ARID1B: variants seen among roughly 807,000 people sequenced by gnomAD.
The protein encoded by ARID1B is AT-rich interactive domain-containing protein 1B.
A neutral mutation model predicts 212.3 loss-of-function variants in ARID1B; 30 were observed. The ratio of observed to expected loss-of-function variants is 0.14; its 90% CI spans 0.11 to 0.19. The LOEUF (loss-of-function observed/expected upper bound fraction) is 0.19, where lower values mean the gene tolerates loss of function less well. Among genes scored for constraint, ARID1B ranks in the 10% least tolerant of loss-of-function variants. The pLI is 1.00. For synonymous variants in ARID1B, 1,402 were observed against 1,301.7 expected, an observed-to-expected ratio of 1.08 and a Z score of -1.66; for missense variants, 2,891 against 3,204.0, an observed-to-expected ratio of 0.90 and a Z score of 2.36.
chr6:157,124,445 T>C (rs1787997625), intron 6 of ARID1B, among the ~76,000 whole-genome samples: 1 of 152,206 alleles, frequency 6.6e-6, no homozygotes, highest in South Asian at 2.1e-4. Context: ...CTTATAAAAG[T>C]GACTGCTTTC....
At chr6:157,157,980 G>A (rs1296375012) in intron 8 of ARID1B, among the ~76,000 whole-genome samples, 4 of 152,224 alleles carry the variant, frequency 2.6e-5, no homozygotes, top group Non-Finnish European at 4.4e-5. Flanking sequence ...CGAGGATCGT[G>A]CCAGTGCACT....
intron 1 of ARID1B, among the ~76,000 whole-genome samples, chr6:156,824,793 A>C (rs1335918671): frequency 6.6e-6 from 1 of 151,984 alleles, no homozygotes; most frequent in Non-Finnish European, 1.5e-5. Flanking sequence ...AAAAACATAA[A>C]ATTGCTTCAG....
chr6:157,173,810 TA>T, intron 9 of ARID1B, 197 bp from the exon 10 acceptor site: 2 of 492,256 alleles, frequency 4.1e-6, no homozygotes, highest in South Asian at 3.6e-5. Context: ...TTTTTTTAGA[TA>T]AAAAAGGATT....
At chr6:157,075,177 C>G (rs1001560563) in intron 4 of ARID1B, among the ~76,000 whole-genome samples, 1 of 151,934 alleles carries the variant, frequency 6.6e-6, no homozygotes, top group African/African-American at 2.4e-5. Flanking sequence ...TTTTGGAAAC[C>G]TCTTATCTAA....
At chr6:156,863,192 C>T (rs1785453271) in intron 2 of ARID1B, among the ~76,000 whole-genome samples, 1 of 152,156 alleles carries the variant, frequency 6.6e-6, no homozygotes, top group Non-Finnish European at 1.5e-5. Flanking sequence ...TGGAAACCAC[C>T]TGTTCTGAGT....
At chr6:156,793,095 T>C (rs1401992791) in intron 1 of ARID1B, among the ~76,000 whole-genome samples, 1 of 152,178 alleles carries the variant, frequency 6.6e-6, no homozygotes, top group South Asian at 2.1e-4. Context: ...CCTGGGAAGA[T>C]GCAGCAGCCA....
At chr6:156,988,402 T>G (rs749879154) in intron 4 of ARID1B, among the ~76,000 whole-genome samples, 35 of 152,202 alleles carry the variant, frequency 2.3e-4, no homozygotes, top group Non-Finnish European at 5.0e-4. Flanking sequence ...CACTGTTTTT[T>G]GTGCTTATCT....
At chr6:157,196,083 A>C in intron 15 of ARID1B, 82 bp from the exon 16 acceptor site, 1 of 1,540,570 alleles carries the variant, frequency 6.5e-7, no homozygotes, top group Non-Finnish European at 8.8e-7. Context: ...GTCCAAAGAC[A>C]ATAGAGATGA....
intron 5 of ARID1B, among the ~76,000 whole-genome samples, chr6:157,088,693 T>G (rs1419197421): frequency 6.6e-6 from 1 of 152,200 alleles, no homozygotes; most frequent in Non-Finnish European, 1.5e-5. Context: ...TTCACCTAAA[T>G]GCAAATACAC....
chr6:156,796,655 T>C (rs945343119), intron 1 of ARID1B, among the ~76,000 whole-genome samples: 2 of 152,226 alleles, frequency 1.3e-5, no homozygotes, highest in Admixed American at 1.3e-4. Flanking sequence ...CTCATGAGCT[T>C]CTCTCTGTTG....
chr6:156,963,109 T>C (rs111907282), intron 4 of ARID1B, among the ~76,000 whole-genome samples: 4,436 of 152,222 alleles, frequency 0.029, 204 homozygotes, highest in African/African-American at 0.099. Context: ...ATTATGTAGT[T>C]AGTTATAGTT....
intron 4 of ARID1B, among the ~76,000 whole-genome samples, chr6:157,029,086 A>G (rs912467937): frequency 3.9e-5 from 6 of 152,240 alleles, no homozygotes; most frequent in Non-Finnish European, 8.8e-5. Flanking sequence ...TTTTATTGCC[A>G]TCAGTTTATA....
In ARID1B at chr6:156,807,650, A is replaced by G. The variant is rs149415866; in HGVS notation, c.1792-21577A>G. On this transcript the variant is annotated intron_variant, in intron 1 of 19. Coordinates refer to ENST00000636930, the MANE Select transcript of ARID1B (RefSeq NM_001374828.1). ...AAAATACTGCATGTGAACATAGACA[A>G]TTATATAAATATAAACATCTGTATA... Among the ~76,000 whole-genome samples the G allele has an allele frequency of 2.9e-3, 408 of 139,532 alleles. 8 individuals carry two copies. Among genetic ancestry groups the G allele is most frequent in the Non-Finnish European group, 8.1e-4 (50 of 61,524 alleles). The allele number at this position is 139,532 out of a possible 152,430, so 91.5% of individuals were successfully genotyped here. A position where few individuals can be genotyped will look rare whatever the true frequency, so the allele number is the denominator to read the frequency against.
chr6:156,900,838 C>G (rs1028019818), intron 2 of ARID1B, among the ~76,000 whole-genome samples: 8 of 152,108 alleles, frequency 5.3e-5, no homozygotes, highest in Admixed American at 6.5e-5. Context: ...AAGAAAATGC[C>G]ATCCTTAGCA....
rs185792813 is a variant in ARID1B at position 156,808,578 on chromosome 6, T to C, written c.1792-20649T>C. ...TTCCTTGCAATCATACTTTTTTCTTTCATTCTCTTTTTTACCTGTTTTGTT... is the reference window on the plus strand; with the variant it reads ...TTCCTTGCAATCATACTTTTTTCTTCCATTCTCTTTTTTACCTGTTTTGTT... On this transcript the variant is annotated intron_variant, in intron 1 of 19. Coordinates refer to ENST00000636930, the MANE Select transcript of ARID1B (RefSeq NM_001374828.1). 2.6e-5 allele frequency among the ~76,000 whole-genome samples: 4 copies of C among 152,328 alleles called. No individual in the cohort carries two copies. In the East Asian group the frequency reaches 7.7e-4, roughly 29 times the overall value.
At chr6:156,901,647 A>G in intron 3 of ARID1B, 122 bp downstream of exon 3, 1 of 1,245,154 alleles carries the variant, frequency 8.0e-7, no homozygotes, top group Non-Finnish European at 1.1e-6. Context: ...TAGTTTTGAG[A>G]AAATGCATAA....
chr6:157,054,850 C>G (rs1485205946), intron 4 of ARID1B, among the ~76,000 whole-genome samples: 1 of 152,224 alleles, frequency 6.6e-6, no homozygotes, highest in Non-Finnish European at 1.5e-5. Context: ...TCCCTCCTGT[C>G]CATGGTTCAC....
In ARID1B at chr6:157,188,757, T is replaced by C. The variant is rs748627025; in HGVS notation, c.3920-885T>C. Among the ~76,000 whole-genome samples, 186 of 152,342 alleles carry C rather than the reference T, an allele frequency of 1.2e-3. 1 individual carries two copies. Among genetic ancestry groups the C allele is most frequent in the Non-Finnish European group, 1.5e-3 (104 of 68,034 alleles). ...AGGTGTATTACTCATTTATTAAGTA[T>C]TTGTTTAATTCACACATGAAACCAG... On this transcript the variant is annotated intron_variant, in intron 13 of 19. Transcript: ENST00000636930.
intron 5 of ARID1B, among the ~76,000 whole-genome samples, chr6:157,110,070 A>G (rs1353860429): frequency 6.6e-6 from 1 of 152,176 alleles, no homozygotes; most frequent in African/African-American, 2.4e-5. Flanking sequence ...TACTGATTGG[A>G]TATTACCATG....
Sources: allele counts gnomAD v4.1 joint callset (sites outside exome capture counted in the v4.1 genomes callset), GRCh38; gene constraint gnomAD v4.1.1; transcripts MANE v1.5; gene names NCBI Gene and HGNC (gene_info 2026-07-23, HGNC 2026-07-21).